Variants in ANKRD6 observed in about 807,000 individuals in gnomAD.
ANKRD6 encodes the protein ankyrin repeat domain-containing protein 6.
A neutral mutation model predicts 82.3 loss-of-function variants in ANKRD6; 56 were observed. The observed-to-expected ratio is 0.68, with a 90% CI of 0.55 to 0.85. The LOEUF (loss-of-function observed/expected upper bound fraction) is 0.85, where lower values mean the gene tolerates loss of function less well. Ranked by LOEUF, ANKRD6 falls within the 40% of genes least tolerant of loss-of-function variation. The pLI is 0.00. For synonymous variants in ANKRD6, 347 were observed against 352.1 expected (o/e 0.99, Z 0.16); for missense variants, 852 against 907.6 (o/e 0.94, Z 0.79).
At chr6:89,601,172 C>T (rs191806168) in intron 3 of ANKRD6, among the ~76,000 whole-genome samples, 409 of 152,264 alleles carry the variant, frequency 2.7e-3, no homozygotes, top group African/African-American at 9.3e-3. Flanking sequence ...ACTGACCCAG[C>T]GGCCACATTC....
rs150499505 is a variant in ANKRD6 at position 89,525,399 on chromosome 6, C to T, written c.-143-41435C>T. On this transcript the variant is annotated intron_variant, in intron 1 of 15. Transcript: ENST00000339746. ...GGCAGCAAGTTGCACTTTCTCCTGC[C>T]TGTTTCTCACTGGGAATCCAGCATT... Among the ~76,000 whole-genome samples, 1,016 of 152,256 alleles carry T rather than the reference C, an allele frequency of 6.7e-3. 7 individuals carry two copies. Among genetic ancestry groups the T allele is most frequent in the Non-Finnish European group, 0.011 (781 of 68,024 alleles).
In ANKRD6 at chr6:89,629,280, G is replaced by A. The variant is rs752177182; in HGVS notation, c.1612+42G>A. On this transcript the variant is annotated intron_variant, in intron 15 of 15. Transcript: ENST00000339746. Reference sequence around the variant, plus strand: ...GAGCCCTTTTGTCCAAAAGGAACACGACCAGCAGCTCTTGTACTCTCCTGC... The same window carrying A: ...GAGCCCTTTTGTCCAAAAGGAACACAACCAGCAGCTCTTGTACTCTCCTGC... The A allele has an allele frequency of 4.6e-5, 74 of 1,611,472 alleles. No individual in the cohort carries two copies. In the East Asian group the frequency reaches 1.1e-3, roughly 24 times the overall value.
intron 1 of ANKRD6, among the ~76,000 whole-genome samples, chr6:89,447,354 A>G (rs1350616765): frequency 1.3e-5 from 2 of 152,236 alleles, no homozygotes; most frequent in Non-Finnish European, 2.9e-5. Context: ...TGAGTGGTCT[A>G]GATAGATTAA....
chr6:89,480,607 C>T, intron 1 of ANKRD6, among the ~76,000 whole-genome samples: 1 of 150,186 alleles, frequency 6.7e-6, no homozygotes, highest in East Asian at 1.9e-4. Flanking sequence ...ATCCTCCTCA[C>T]TAATTACTTT....
chr6:89,440,377 T>G (rs1038552007), intron 1 of ANKRD6, among the ~76,000 whole-genome samples: 4 of 152,180 alleles, frequency 2.6e-5, no homozygotes, highest in African/African-American at 9.6e-5. Flanking sequence ...TAGTGCAGTT[T>G]GTTATGTAGA....
intron 9 of ANKRD6, among the ~76,000 whole-genome samples, chr6:89,619,129 C>T (rs1802353470): frequency 6.6e-6 from 1 of 151,998 alleles, no homozygotes; most frequent in Non-Finnish European, 1.5e-5. Context: ...AATTGATCAC[C>T]TTCTTGTGCA....
At chr6:89,612,464 A>T in intron 6 of ANKRD6, 94 bp downstream of exon 6, 1 of 1,269,238 alleles carries the variant, frequency 7.9e-7, no homozygotes, top group Non-Finnish European at 1.1e-6. Flanking sequence ...ACATCTAGAA[A>T]TTAAAATGTA....
intron 2 of ANKRD6, among the ~76,000 whole-genome samples, chr6:89,586,077 A>T (rs1423846446): frequency 1.3e-5 from 2 of 152,242 alleles, no homozygotes; most frequent in African/African-American, 4.8e-5. Context: ...TAAGAACAAG[A>T]AACACCAATC....
rs972514946 is a variant in ANKRD6 at position 89,543,914 on chromosome 6, G to A, written c.-143-22920G>A. On this transcript the variant is annotated intron_variant, in intron 1 of 15. Transcript: ENST00000339746. Reference sequence around the variant, plus strand: ...CATCCATCCTTGCCTCTGGTTAATTGTTACCACCTGGCCTCTGCTATTTTG... The same window carrying A: ...CATCCATCCTTGCCTCTGGTTAATTATTACCACCTGGCCTCTGCTATTTTG... Among the ~76,000 whole-genome samples, 5 of 152,234 alleles carry A rather than the reference G, an allele frequency of 3.3e-5. No homozygotes were observed. In the South Asian group the frequency reaches 6.2e-4, roughly 19 times the overall value.
chr6:89,486,829 A>G (rs936205150), intron 1 of ANKRD6, among the ~76,000 whole-genome samples: 1 of 152,168 alleles, frequency 6.6e-6, no homozygotes, highest in African/African-American at 2.4e-5. Context: ...GCAGAGAGAA[A>G]GGAAGCAAGC....
At chr6:89,524,690 G>T (rs529301210) in intron 1 of ANKRD6, among the ~76,000 whole-genome samples, 4 of 152,206 alleles carry the variant, frequency 2.6e-5, no homozygotes, top group African/African-American at 7.2e-5. Flanking sequence ...CTATAAACAT[G>T]CATATGCAAG....
At chr6:89,484,204 G>A (rs1214364597) in intron 1 of ANKRD6, among the ~76,000 whole-genome samples, 4 of 152,150 alleles carry the variant, frequency 2.6e-5, no homozygotes, top group African/African-American at 7.2e-5. Flanking sequence ...CACCGCGGCC[G>A]GCCAAGAATG....
At position 89,617,919 on chromosome 6, in the gene ANKRD6, C is replaced by G. The variant is rs1180199486; in HGVS notation, c.715-35C>G. ...GGCTATGTGCGTGTGGGACCCGTGG[C>G]CCTTTCTCACCTGTCCTACTCTGCC... On this transcript the variant is annotated intron_variant, in intron 8 of 15. Coordinates refer to ENST00000339746, the MANE Select transcript of ANKRD6 (RefSeq NM_001242809.2). 1.9e-6 allele frequency: 3 copies of G among 1,603,452 alleles called. No homozygotes were observed. The African/African-American group carries it at 4.0e-5, about 21-fold the overall frequency.
intron 5 of ANKRD6, among the ~76,000 whole-genome samples, chr6:89,607,027 TG>T: frequency 6.6e-6 from 1 of 151,722 alleles, no homozygotes. Context: ...AAAAATTAGC[TG>T]GATGTGGTGG....
intron 2 of ANKRD6, among the ~76,000 whole-genome samples, chr6:89,582,249 C>T (rs1051723179): frequency 3.9e-5 from 6 of 152,078 alleles, no homozygotes; most frequent in Non-Finnish European, 2.9e-5. Context: ...TGGAGTCTTG[C>T]TATATTAATT....
intron 1 of ANKRD6, among the ~76,000 whole-genome samples, chr6:89,520,932 G>A (rs1781816911): frequency 6.6e-6 from 1 of 152,084 alleles, no homozygotes; most frequent in Non-Finnish European, 1.5e-5. Flanking sequence ...AGGCTGCAGT[G>A]ATCCATGACT....
chr6:89,536,400 G>T (rs890965064), intron 1 of ANKRD6, among the ~76,000 whole-genome samples: 29 of 152,182 alleles, frequency 1.9e-4, no homozygotes, highest in African/African-American at 7.0e-4. Flanking sequence ...CAGTAAAGCG[G>T]CATGAAAGCT....
intron 1 of ANKRD6, among the ~76,000 whole-genome samples, chr6:89,451,004 A>G (rs1772741398): frequency 6.6e-6 from 1 of 152,158 alleles, no homozygotes; most frequent in South Asian, 2.1e-4. Flanking sequence ...GTATGCCTCT[A>G]TAATTCAAAT....
chr6:89,515,849 T>C (rs917223920), intron 1 of ANKRD6, among the ~76,000 whole-genome samples: 2 of 152,178 alleles, frequency 1.3e-5, no homozygotes, highest in African/African-American at 4.8e-5. Flanking sequence ...CAATCACATA[T>C]ATCCTTATAA....
Sources: allele counts gnomAD v4.1 joint callset (sites outside exome capture counted in the v4.1 genomes callset), GRCh38; gene constraint gnomAD v4.1.1; transcripts MANE v1.5; gene names NCBI Gene and HGNC (gene_info 2026-07-23, HGNC 2026-07-21).